The following CTNNB1 variants were observed in gnomAD, a reference collection of about 807,000 sequenced individuals.
CTNNB1 encodes the protein catenin beta 1.
In CTNNB1, 6 loss-of-function variants were observed where a neutral mutation model predicts 82.5. The ratio of observed to expected loss-of-function variants is 0.07; its 90% CI spans 0.04 to 0.14. The LOEUF (loss-of-function observed/expected upper bound fraction) is 0.14, where lower values mean the gene tolerates loss of function less well. CTNNB1 is among the 10% of genes least tolerant of loss of function. The probability of loss-of-function intolerance (pLI) is 1.00; values close to 1 mark genes in which losing one functional copy is unlikely to be tolerated. For synonymous variants in CTNNB1, 312 were observed against 329.7 expected, an observed-to-expected ratio of 0.95 and a Z score of 0.58; for missense variants, 529 against 980.4, an observed-to-expected ratio of 0.54 and a Z score of 6.15.
rs1254538728 is a variant in CTNNB1 at position 41,238,007 on chromosome 3, T to C, written c.2077-9T>C. Reference sequence around the variant, plus strand: ...TCTATTCTTCCTTGCTTTGTGCATGTTTATCTAGACTGCTGATCTTGGACT... The same window carrying C: ...TCTATTCTTCCTTGCTTTGTGCATGCTTATCTAGACTGCTGATCTTGGACT... On this transcript the variant is annotated splice_polypyrimidine_tract_variant and intron_variant, in intron 13 of 14. Coordinates refer to ENST00000349496, the MANE Select transcript of CTNNB1 (RefSeq NM_001904.4). 7 of 1,613,134 alleles carry C rather than the reference T, an allele frequency of 4.3e-6. No individual in the cohort carries two copies. In the Admixed American group the frequency reaches 5.0e-5, roughly 12 times the overall value.
chr3:41,232,703 T>C (rs543671956), intron 7 of CTNNB1, among the ~76,000 whole-genome samples: 3 of 152,124 alleles, frequency 2.0e-5, no homozygotes, highest in Admixed American at 1.3e-4. Context: ...GTGAATTGTA[T>C]AAAGTCCCTG....
Position 41,239,967 on chromosome 3 carries a change from T to C in CTNNB1, c.*625T>C, listed in dbSNP as rs1287377437. The C allele has an allele frequency of 2.7e-5, 5 of 182,046 alleles. No individual in the cohort carries two copies. The highest frequency in any genetic ancestry group is 5.8e-5 in the Non-Finnish European group (5 of 86,132). 11.3% of individuals were successfully genotyped at this position (182,046 alleles called of 1,614,324 possible). Reference sequence around the variant, plus strand: ...AGAATATCTGTAATGGTACTGACTTTGCTTGCTTTGAAGTAGCTCTTTTTT... The same window carrying C: ...AGAATATCTGTAATGGTACTGACTTCGCTTGCTTTGAAGTAGCTCTTTTTT... On this transcript the variant is annotated 3_prime_UTR_variant, in exon 15 of 15. Coordinates refer to ENST00000349496, the MANE Select transcript of CTNNB1 (RefSeq NM_001904.4).
chr3:41,239,986 CTTT>C lies in CTNNB1; in HGVS notation c.*667_*669del, dbSNP rs1207330730. The C allele has an allele frequency of 0.015, 481 of 32,370 alleles. No homozygotes were observed. The highest frequency in any genetic ancestry group is 0.096 in the Middle Eastern group (5 of 52). The allele number at this position is 32,370 out of a possible 1,614,324, so 2.0% of individuals were successfully genotyped here. ...TGACTTTGCTTGCTTTGAAGTAGCT[CTTT>C]TTTTTTTTTTTTTTTTTTTTTTGCA... On this transcript the variant is annotated 3_prime_UTR_variant, in exon 15 of 15. Transcript: ENST00000349496.
chr3:41,222,889 G>A (rs2078082559), intron 1 of CTNNB1, among the ~76,000 whole-genome samples: 1 of 152,134 alleles, frequency 6.6e-6, no homozygotes. Context: ...CAATTTTTCA[G>A]AAAGGTGGTG....
chr3:41,204,589 A>G (rs1162960693), intron 1 of CTNNB1, among the ~76,000 whole-genome samples: 1 of 152,230 alleles, frequency 6.6e-6, no homozygotes, highest in Non-Finnish European at 1.5e-5. Context: ...AGTCATAAGC[A>G]GCTCCAGCCA....
rs1333438123 is a variant in CTNNB1, at chr3:41,236,881, A to G, written c.2076+172A>G. ...TGCTCTGAGGAAGAACTATAATACA[A>G]GCTTTAAAGAGTCTGTTCAGAATCA... is the stretch of plus-strand genomic sequence containing the variant. On this transcript the variant is annotated intron_variant, in intron 13 of 14. Coordinates refer to ENST00000349496, the MANE Select transcript of CTNNB1 (RefSeq NM_001904.4). 1.5e-5 allele frequency: 11 copies of G among 738,266 alleles called. No homozygotes were observed. In the South Asian group the frequency reaches 1.7e-4, roughly 11 times the overall value. 45.7% of individuals were successfully genotyped at this position (738,266 alleles called of 1,614,324 possible).
At chr3:41,222,468 A>C (rs1374098910) in intron 1 of CTNNB1, 1 of 152,208 alleles carries the variant, frequency 6.6e-6, no homozygotes, top group African/African-American at 2.4e-5. Flanking sequence ...GAGCAAGATG[A>C]ATTTTTATTT....
At chr3:41,221,933 T>G (rs1575311207) in intron 1 of CTNNB1, 1 of 152,364 alleles carries the variant, frequency 6.6e-6, no homozygotes, top group East Asian at 1.9e-4. Flanking sequence ...GTTTTCTCAA[T>G]TTTAGTTTCT....
chr3:41,200,727 A>G (rs1272753319), intron 1 of CTNNB1, among the ~76,000 whole-genome samples: 2 of 152,140 alleles, frequency 1.3e-5, no homozygotes, highest in Non-Finnish European at 2.9e-5. Context: ...TTGAACCGAG[A>G]CTTTTCGAAG....
intron 1 of CTNNB1, among the ~76,000 whole-genome samples, chr3:41,206,458 A>G (rs1193955776): frequency 6.6e-6 from 1 of 152,196 alleles, no homozygotes; most frequent in African/African-American, 2.4e-5. Context: ...ATGTCCATAT[A>G]AAAATGTGTA....
intron 10 of CTNNB1, 22 bp downstream of exon 10, chr3:41,234,319 T>TA (rs1289328948): frequency 2.5e-6 from 4 of 1,613,540 alleles, no homozygotes; most frequent in East Asian, 2.2e-5. Context: ...CTTACAGTGA[T>TA]ACCTGGCTAT....
At chr3:41,234,410 C>A in intron 10 of CTNNB1, 113 bp downstream of exon 10, 1 of 1,024,122 alleles carries the variant, frequency 9.8e-7, no homozygotes. Context: ...TCCTGAAGAG[C>A]TAATGACAAA....
rs2125624006 is a variant in CTNNB1, at chr3:41,225,689, C to A, written c.764C>A (p.Ala255Asp). 6.2e-7 allele frequency: 1 copy of A among 1,614,074 alleles called. No homozygotes were observed. The highest frequency in any genetic ancestry group is 8.5e-7 in the Non-Finnish European group (1 of 1,179,974). ...CCAGTGGATTCTGTGTTGTTTTATG[C>A]CATTACAACTCTCCACAACCTTTTA... ...GSPVDSVLFY[A>D]ITTLHNLLLH... Residue 255 changes from alanine (A) to aspartate (D), a missense_variant, in exon 6 of 15, where the codon GCC becomes GAC. By Grantham distance (126) the Ala-to-Asp change is moderately radical. Transcript: ENST00000349496. This position sits in a 1 kb window ranked among gnomAD's most constrained non-coding sequence, Gnocchi z 5.3.
intron 1 of CTNNB1, among the ~76,000 whole-genome samples, chr3:41,200,693 A>G (rs2077509469): frequency 6.6e-6 from 1 of 152,134 alleles, no homozygotes; most frequent in Non-Finnish European, 1.5e-5. Flanking sequence ...AACTTCTTTC[A>G]GTGTTTTGTC....
In CTNNB1 at chr3:41,227,414, T is replaced by C. The variant is rs4135377; in HGVS notation, c.1081+62T>C. The C allele has an allele frequency of 6.5e-5, 102 of 1,572,918 alleles. No homozygotes were observed. In the African/African-American group the frequency reaches 1.1e-3, roughly 17 times the overall value. On this transcript the variant is annotated intron_variant, in intron 7 of 14. Transcript: ENST00000349496. ...CATCTGCAGTTCTAATTAGATTACT[T>C]TTCTTAGGAAAAGGTGGTAGAACTT...
At position 41,207,379 on chromosome 3, in the gene CTNNB1, A is replaced by G. The variant is rs139769743; in HGVS notation, c.-49+7709A>G. Among the ~76,000 whole-genome samples the G allele has an allele frequency of 8.5e-5, 13 of 152,318 alleles. No homozygotes were observed. The East Asian group carries it at 2.5e-3, about 29-fold the overall frequency. On this transcript the variant is annotated intron_variant, in intron 1 of 14. Coordinates refer to ENST00000349496, the MANE Select transcript of CTNNB1 (RefSeq NM_001904.4). ...CCTCAGGTTTTTCCTTATTGCCATTATGCTGCAGATTCTATTACATTTGTC... is the reference window on the plus strand; with the variant it reads ...CCTCAGGTTTTTCCTTATTGCCATTGTGCTGCAGATTCTATTACATTTGTC...
rs2125594783 is a variant in CTNNB1 at position 41,210,930 on chromosome 3, C to T, written c.-49+11260C>T. ...TCAGCCTCCCAAGTAGCTGGGACTA[C>T]ACCAGGCACCCCACCATGCCTGGCT... On this transcript the variant is annotated intron_variant, in intron 1 of 14. Coordinates refer to ENST00000349496, the MANE Select transcript of CTNNB1 (RefSeq NM_001904.4). The T allele has an allele frequency of 2.8e-5, 12 of 429,272 alleles. 1 individual carries two copies. Among genetic ancestry groups the T allele is most frequent in the South Asian group, 2.0e-4 (12 of 59,218 alleles). The allele number at this position is 429,272 out of a possible 1,614,324, so 26.6% of individuals were successfully genotyped here. A position where few individuals can be genotyped will look rare whatever the true frequency, so the allele number is the denominator to read the frequency against.
chr3:41,235,895 T>G, intron 11 of CTNNB1, 52 bp downstream of exon 11: 1 of 1,602,528 alleles, frequency 6.2e-7, no homozygotes, highest in Non-Finnish European at 8.6e-7. Flanking sequence ...ATTTCCAGAT[T>G]GTAATGACTA....
chr3:41,225,698 C>T lies in CTNNB1; in HGVS notation c.773C>T (p.Thr258Ile), dbSNP rs1427148157. 1 of 1,614,170 alleles carries T rather than the reference C, an allele frequency of 6.2e-7. No homozygotes were observed. Among genetic ancestry groups the T allele is most frequent in the South Asian group, 1.1e-5 (1 of 91,084 alleles). The change falls in exon 6 of 15, where the codon ACT becomes ATT. Residue 258 changes from threonine to isoleucine, a missense_variant. Coordinates refer to ENST00000349496, the MANE Select transcript of CTNNB1 (RefSeq NM_001904.4). This position sits in a 1 kb window ranked among gnomAD's most constrained non-coding sequence, Gnocchi z 5.3. ...TCTGTGTTGTTTTATGCCATTACAACTCTCCACAACCTTTTATTACATCAA... is the reference window on the plus strand; with the variant it reads ...TCTGTGTTGTTTTATGCCATTACAATTCTCCACAACCTTTTATTACATCAA... ...VDSVLFYAITTLHNLLLHQEG... is the reference protein window; with the variant it reads ...VDSVLFYAITILHNLLLHQEG...
Sources: gnomAD v4.1 joint callset for allele counts (sites outside exome capture counted in the v4.1 genomes callset) on GRCh38, gnomAD v4.1.1 for gene constraint, Gnocchi (gnomAD v3.1) non-coding constraint, MANE v1.5 for transcripts, NCBI Gene and HGNC (gene_info 2026-07-23, HGNC 2026-07-21) for gene names.